MYO3A: variants seen among roughly 807,000 people sequenced by gnomAD.
The protein encoded by MYO3A is myosin-IIIa.
A neutral mutation model predicts 192.7 loss-of-function variants in MYO3A; 180 were observed. The ratio of observed to expected loss-of-function variants is 0.93; its 90% CI spans 0.83 to 1.06. MYO3A has a LOEUF of 1.06. Ranked by LOEUF, MYO3A falls within the 50% of genes least tolerant of loss-of-function variation. The pLI, the probability that MYO3A is intolerant of heterozygous loss-of-function variation, is 0.00. For synonymous variants in MYO3A, 628 were observed against 645.3 expected (o/e 0.97, Z 0.41); for missense variants, 1,896 against 1,905.0 (o/e 1.00, Z 0.09).
intron 23 of MYO3A, among the ~76,000 whole-genome samples, chr10:26,148,189 A>G (rs865889910): frequency 2.0e-4 from 31 of 152,132 alleles, no homozygotes; most frequent in Middle Eastern, 6.4e-3. Context: ...ATCACTCACA[A>G]ATGATGTTTC....
chr10:26,008,560 G>A (rs1333457915), intron 6 of MYO3A, among the ~76,000 whole-genome samples: 1 of 150,148 alleles, frequency 6.7e-6, no homozygotes, highest in African/African-American at 2.5e-5. Flanking sequence ...CTCAAAAAGT[G>A]GGCGAAGGAT....
rs781749249 is a variant in MYO3A, at chr10:26,143,489, A to G, written c.2304A>G (p.Glu768=). The change falls in exon 21 of 35, where the codon GAA becomes GAG. Residue 768 remains glutamate (E), a synonymous_variant. Coordinates refer to ENST00000642920, the MANE Select transcript of MYO3A (RefSeq NM_017433.5). ...LNEDVDARVI[E]YEDNWPLLDM... ...AAGATGTGGATGCTAGAGTTATTGA[A>G]TATGAGGATAACTGGCCCCTCTTAG... is the stretch of plus-strand genomic sequence containing the variant. The G allele has an allele frequency of 2.5e-6, 4 of 1,613,310 alleles. No individual in the cohort carries two copies. Among genetic ancestry groups the G allele is most frequent in the South Asian group, 1.1e-5 (1 of 91,062 alleles).
intron 20 of MYO3A, 137 bp from the exon 21 acceptor site, chr10:26,143,311 A>T (rs1408029064): frequency 1.2e-6 from 1 of 855,618 alleles, no homozygotes; most frequent in Non-Finnish European, 1.8e-6. Context: ...AGCCTGGACG[A>T]CAGAGCGAGT....
chr10:26,053,220 A>T (rs1844110843), intron 10 of MYO3A, among the ~76,000 whole-genome samples: 1 of 152,232 alleles, frequency 6.6e-6, no homozygotes, highest in Admixed American at 6.5e-5. Context: ...ATACACATAT[A>T]CATTGAAAAG....
chr10:26,157,949 AGGCCTGGGAATGC>A (rs1394568844), intron 26 of MYO3A, among the ~76,000 whole-genome samples: 3 of 152,114 alleles, frequency 2.0e-5, no homozygotes, highest in Non-Finnish European at 4.4e-5. Flanking sequence ...TAGTGGGTAG[AGGCCTGGGAATGC>A]TGTTAAACAG....
chr10:26,075,426 G>C (rs28796333), intron 14 of MYO3A, among the ~76,000 whole-genome samples: 5 of 150,884 alleles, frequency 3.3e-5, no homozygotes, highest in Admixed American at 2.6e-4. Flanking sequence ...CCCTTGCCCT[G>C]CTCCAGTTCT....
At chr10:25,937,013 C>T (rs1264936189) in intron 2 of MYO3A, among the ~76,000 whole-genome samples, 1 of 151,878 alleles carries the variant, frequency 6.6e-6, no homozygotes, top group East Asian at 1.9e-4. Flanking sequence ...ATATAGAAGT[C>T]GTATGCGATA....
At chr10:26,124,030 A>G (rs1839041561) in intron 18 of MYO3A, among the ~76,000 whole-genome samples, 2 of 151,968 alleles carry the variant, frequency 1.3e-5, no homozygotes, top group Admixed American at 6.6e-5. Flanking sequence ...CCAAATAATA[A>G]TAATAATAAT....
At chr10:26,110,380 A>T (rs551802535) in intron 17 of MYO3A, among the ~76,000 whole-genome samples, 1 of 152,242 alleles carries the variant, frequency 6.6e-6, no homozygotes, top group African/African-American at 2.4e-5. Context: ...TGTTTAATGC[A>T]TTTTCTCTGA....
intron 18 of MYO3A, among the ~76,000 whole-genome samples, chr10:26,123,413 A>G (rs927847356): frequency 1.3e-5 from 2 of 152,228 alleles, no homozygotes; most frequent in Non-Finnish European, 2.9e-5. Context: ...AAACTAAGCA[A>G]CAGAAGTTAC....
chr10:26,201,689 CAAAA>C (rs34428324), intron 33 of MYO3A, among the ~76,000 whole-genome samples: 1 of 81,694 alleles, frequency 1.2e-5, no homozygotes. Context: ...GACTCCGTCT[CAAAA>C]AAAAAAAAAA....
intron 4 of MYO3A, among the ~76,000 whole-genome samples, chr10:25,990,304 T>A (rs926060372): frequency 4.0e-4 from 61 of 152,120 alleles, no homozygotes; most frequent in Admixed American, 1.2e-3. Context: ...GTAATAATAA[T>A]GTATCCTGAA....
At chr10:26,158,851 A>T (rs997109285) in intron 26 of MYO3A, among the ~76,000 whole-genome samples, 3 of 152,240 alleles carry the variant, frequency 2.0e-5, no homozygotes, top group African/African-American at 7.2e-5. Flanking sequence ...ATAAATTACT[A>T]TTAAGAACAA....
rs1841224566 is a variant in MYO3A at position 26,157,658 on chromosome 10, A to C, written c.2999+143A>C. 4 of 905,166 alleles carry C rather than the reference A, an allele frequency of 4.4e-6. No individual in the cohort carries two copies. In the African/African-American group the frequency reaches 6.7e-5, roughly 15 times the overall value. 56.1% of individuals were successfully genotyped at this position (905,166 alleles called of 1,614,324 possible). A position where few individuals can be genotyped will look rare whatever the true frequency, so the allele number is the denominator to read the frequency against. On this transcript the variant is annotated intron_variant, in intron 26 of 34. Transcript: ENST00000642920. Reference sequence around the variant, plus strand: ...CATGCAAATGATTATGTGTTGAAAAAAGAAGATAGCTATTAACTGAGGCTG... The same window carrying C: ...CATGCAAATGATTATGTGTTGAAAACAGAAGATAGCTATTAACTGAGGCTG...
chr10:25,967,220 T>G (rs1838319585), intron 4 of MYO3A, among the ~76,000 whole-genome samples: 1 of 152,232 alleles, frequency 6.6e-6, no homozygotes, highest in Admixed American at 6.5e-5. Flanking sequence ...AGAGTGTGAC[T>G]TCAGGCAGTT....
intron 10 of MYO3A, among the ~76,000 whole-genome samples, chr10:26,031,666 C>CTAT (rs1309423163): frequency 3.3e-5 from 5 of 152,152 alleles, no homozygotes; most frequent in African/African-American, 1.2e-4. Context: ...ATTTTTTATT[C>CTAT]TATTTCATTT....
chr10:26,009,143 C>A (rs1443521383), intron 6 of MYO3A, among the ~76,000 whole-genome samples: 1 of 126,056 alleles, frequency 7.9e-6, no homozygotes, highest in East Asian at 1.9e-4. Context: ...AACCAAACAC[C>A]ACATATTCTC....
intron 25 of MYO3A, 38 bp from the exon 26 acceptor site, chr10:26,157,272 T>C (rs1226167218): frequency 4.4e-6 from 7 of 1,587,892 alleles, no homozygotes; most frequent in Admixed American, 3.3e-5. Flanking sequence ...CGTTTTTGTA[T>C]GCTACATTGG....
intron 3 of MYO3A, 47 bp downstream of exon 3, chr10:25,952,325 G>A: frequency 6.5e-7 from 1 of 1,548,220 alleles, no homozygotes; most frequent in Non-Finnish European, 8.9e-7. Context: ...TTATCTGTAT[G>A]AAACACTTAA....
Sources: allele counts gnomAD v4.1 joint callset (sites outside exome capture counted in the v4.1 genomes callset), GRCh38; gene constraint gnomAD v4.1.1; transcripts MANE v1.5; gene names NCBI Gene and HGNC (gene_info 2026-07-23, HGNC 2026-07-21).